Variants in PADI4 observed in about 807,000 individuals in gnomAD.
PADI4 encodes peptidyl arginine deiminase 4, also known as protein-arginine deiminase type-4.
PADI4 carries 62 observed loss-of-function variants against 75.0 expected under a neutral mutation model. The ratio of observed to expected loss-of-function variants is 0.83; its 90% CI spans 0.67 to 1.02. The LOEUF is 1.02. Ranked by LOEUF, PADI4 falls within the 50% of genes least tolerant of loss-of-function variation. PADI4 has a pLI of 0.00. For missense variants in PADI4, 845 were observed against 850.5 expected, an observed-to-expected ratio of 0.99 and a Z score of 0.08; for synonymous variants, 361 against 348.1, an observed-to-expected ratio of 1.04 and a Z score of -0.41.
intron 5 of PADI4, 96 bp from the exon 6 acceptor site, chr1:17,339,592 G>T: frequency 7.6e-7 from 1 of 1,317,286 alleles, no homozygotes. Context: ...CAGGGGAGCG[G>T]TGGGGTGTGA....
Position 17,333,954 on chromosome 1 carries a change from A to T in PADI4, c.285A>T (p.Ser95=). The T allele has an allele frequency of 1.2e-6, 2 of 1,612,290 alleles. No individual in the cohort carries two copies. The highest frequency in any genetic ancestry group is 1.7e-6 in the Non-Finnish European group (2 of 1,178,390). ...CTGCTCTCCCATAGGTTCAGATTTC[A>T]TACTACGGACCCAAGACTCCACCAG... ...GSTGDQKVQI[S]YYGPKTPPVK... Residue 95 remains serine, a synonymous_variant, in exon 3 of 16, where the codon TCA becomes TCT. Coordinates refer to ENST00000375448, the MANE Select transcript of PADI4 (RefSeq NM_012387.3).
intron 15 of PADI4, among the ~76,000 whole-genome samples, chr1:17,361,758 C>A (rs1262832612): frequency 2.0e-5 from 3 of 152,232 alleles, no homozygotes; most frequent in Admixed American, 2.0e-4. Flanking sequence ...AAAATCCCAC[C>A]TTCCCACCTC....
At chr1:17,311,998 C>T (rs2100647025) in intron 1 of PADI4, among the ~76,000 whole-genome samples, 1 of 152,216 alleles carries the variant, frequency 6.6e-6, no homozygotes, top group African/African-American at 2.4e-5. Context: ...AGAGGGGTCC[C>T]CTTTCCAATG....
intron 8 of PADI4, among the ~76,000 whole-genome samples, chr1:17,344,982 G>A (rs1472462103): frequency 3.9e-5 from 6 of 152,122 alleles, no homozygotes; most frequent in Non-Finnish European, 5.9e-5. Context: ...AGCTTGCACC[G>A]TGTGCCTGGA....
intron 1 of PADI4, among the ~76,000 whole-genome samples, chr1:17,319,882 A>G (rs2074004257): frequency 6.6e-6 from 1 of 152,168 alleles, no homozygotes; most frequent in African/African-American, 2.4e-5. Flanking sequence ...GGCTGTTTAC[A>G]CCTCCAGTTA....
Position 17,339,605 on chromosome 1 carries a change from C to T in PADI4, c.527-83C>T. On this transcript the variant is annotated intron_variant, in intron 5 of 15. Transcript: ENST00000375448. ...CTCAGGGGAGCGGTGGGGTGTGAGG[C>T]TCCACCAGGAGGTGAGGTGGCTATG... 3.4e-6 allele frequency: 5 copies of T among 1,486,330 alleles called. No homozygotes were observed. In the Admixed American group the frequency reaches 5.1e-5, roughly 15 times the overall value. 92.1% of individuals were successfully genotyped at this position (1,486,330 alleles called of 1,614,324 possible). A position where few individuals can be genotyped will look rare whatever the true frequency, so the allele number is the denominator to read the frequency against.
At chr1:17,318,407 G>C (rs2073976994) in intron 1 of PADI4, among the ~76,000 whole-genome samples, 1 of 152,220 alleles carries the variant, frequency 6.6e-6, no homozygotes, top group Non-Finnish European at 1.5e-5. Context: ...GCCACACAGA[G>C]AAAGGTGACT....
At chr1:17,335,769 G>C (rs1342588409) in intron 3 of PADI4, among the ~76,000 whole-genome samples, 1 of 152,240 alleles carries the variant, frequency 6.6e-6, no homozygotes, top group Non-Finnish European at 1.5e-5. Flanking sequence ...GTCACTGAGG[G>C]CTGGGGCCAG....
intron 11 of PADI4, among the ~76,000 whole-genome samples, chr1:17,355,163 G>T (rs751121642): frequency 2.0e-5 from 3 of 152,194 alleles, no homozygotes; most frequent in Non-Finnish European, 2.9e-5. Context: ...CTGGAGATCT[G>T]GGACAGAGAG....
chr1:17,329,914 G>C (rs1570017639), intron 1 of PADI4, among the ~76,000 whole-genome samples: 1 of 152,160 alleles, frequency 6.6e-6, no homozygotes, highest in African/African-American at 2.4e-5. Flanking sequence ...CATGAAGAAG[G>C]CTAATTCTGG....
rs1351633869 is a variant in PADI4, at chr1:17,363,974, A to G, written c.*219A>G. 1 of 438,130 alleles carries G rather than the reference A, an allele frequency of 2.3e-6. No homozygotes were observed. Among genetic ancestry groups the G allele is most frequent in the Non-Finnish European group, 4.1e-6 (1 of 243,420 alleles). 27.1% of individuals were successfully genotyped at this position (438,130 alleles called of 1,614,324 possible). On this transcript the variant is annotated 3_prime_UTR_variant, in exon 16 of 16. Coordinates refer to ENST00000375448, the MANE Select transcript of PADI4 (RefSeq NM_012387.3). The stretch of plus-strand genomic sequence containing the variant: ...CTCAGTTCTGCTCTAAGAAGCTGCA[A>G]TAAAGTTTTTTTAAGTCACTTTGTA...
chr1:17,312,943 A>G (rs1320749340), intron 1 of PADI4, among the ~76,000 whole-genome samples: 1 of 151,694 alleles, frequency 6.6e-6, no homozygotes, highest in African/African-American at 2.4e-5. Flanking sequence ...TGTAATCCCA[A>G]CACTTTAGGA....
intron 1 of PADI4, among the ~76,000 whole-genome samples, chr1:17,309,793 G>A (rs12569317): frequency 0.17 from 25,962 of 152,256 alleles, 2,474 homozygotes; most frequent in South Asian, 0.31. Context: ...GGGGAGAAAA[G>A]GAAAAAGAAA....
intron 3 of PADI4, 103 bp from the exon 4 acceptor site, chr1:17,336,041 GGCTCACACTATGGGT>G (rs1411973081): frequency 8.8e-6 from 6 of 679,948 alleles, no homozygotes; most frequent in Middle Eastern, 3.8e-4. Flanking sequence ...CGGGAAGAGG[GGCTCACACTATGGGT>G]GCACACAGTC....
In PADI4 at chr1:17,308,474, G is replaced by A. The variant is rs574392411; in HGVS notation, c.92+160G>A. On this transcript the variant is annotated intron_variant, in intron 1 of 15. Transcript: ENST00000375448. ...GGAGAGAGAAGACCCCAGCAGCCCT[G>A]GGAAGTGCCAGTCTCATGGCTGTGG... is the stretch of plus-strand genomic sequence containing the variant. Among the ~76,000 whole-genome samples the A allele has an allele frequency of 1.2e-3, 176 of 152,276 alleles. 1 individual carries two copies. The highest frequency in any genetic ancestry group is 4.0e-3 in the African/African-American group (167 of 41,546).
chr1:17,330,869 A>G, intron 1 of PADI4, 100 bp from the exon 2 acceptor site: 1 of 747,270 alleles, frequency 1.3e-6, no homozygotes, highest in Non-Finnish European at 2.2e-6. Context: ...ACAAGCTGAC[A>G]CCTAATATTA....
At chr1:17,347,617 G>A (rs1273194607) in intron 9 of PADI4, among the ~76,000 whole-genome samples, 2 of 151,910 alleles carry the variant, frequency 1.3e-5, no homozygotes, top group African/African-American at 4.8e-5. Flanking sequence ...CCTAACCCTG[G>A]TGCCCACTGC....
At chr1:17,315,260 T>A (rs71644031) in intron 1 of PADI4, among the ~76,000 whole-genome samples, 2,427 of 152,256 alleles carry the variant, frequency 0.016, 34 homozygotes, top group Non-Finnish European at 0.024. Flanking sequence ...GGTGATTGAT[T>A]GATTGATTGA....
chr1:17,342,939 C>T (rs186070680), intron 8 of PADI4, among the ~76,000 whole-genome samples: 46 of 152,320 alleles, frequency 3.0e-4, no homozygotes, highest in African/African-American at 1.1e-3. Flanking sequence ...TGCGCCACTG[C>T]GCTCCAGCCT....
Sources: allele counts gnomAD v4.1 joint callset (sites outside exome capture counted in the v4.1 genomes callset), GRCh38; gene constraint gnomAD v4.1.1; transcripts MANE v1.5; gene names NCBI Gene and HGNC (gene_info 2026-07-23, HGNC 2026-07-21).